The following RNF180 variants were observed in gnomAD, a reference collection of about 807,000 sequenced individuals.
RNF180 encodes the protein ring finger protein 180.
Under a neutral mutation model 59.2 loss-of-function variants are expected in RNF180, and 38 were observed. The observed-to-expected ratio is 0.64, with a 90% CI of 0.50 to 0.84. The LOEUF is 0.84. Ranked by LOEUF, RNF180 falls within the 40% of genes least tolerant of loss-of-function variation. The pLI, the probability that RNF180 is intolerant of heterozygous loss-of-function variation, is 0.00. For missense variants in RNF180, 705 were observed against 700.9 expected, an observed-to-expected ratio of 1.01 and a Z score of -0.07; for synonymous variants, 262 against 240.3, an observed-to-expected ratio of 1.09 and a Z score of -0.84.
At chr5:64,261,683 CAT>C (rs1744349459) in intron 5 of RNF180, among the ~76,000 whole-genome samples, 2 of 152,108 alleles carry the variant, frequency 1.3e-5, no homozygotes, top group South Asian at 2.1e-4. Flanking sequence ...ATGTTACAAA[CAT>C]ATGTTTTAAG....
intron 7 of RNF180, among the ~76,000 whole-genome samples, chr5:64,362,071 T>C (rs1453587047): frequency 1.3e-5 from 2 of 151,548 alleles, no homozygotes; most frequent in Non-Finnish European, 3.0e-5. Flanking sequence ...AACTTAAATT[T>C]AATTTATTGA....
chr5:64,167,801 A>C (rs1749730658), intron 1 of RNF180, among the ~76,000 whole-genome samples: 1 of 152,182 alleles, frequency 6.6e-6, no homozygotes, highest in African/African-American at 2.4e-5. Flanking sequence ...GCTTTCATGG[A>C]ATAAACACAG....
At chr5:64,287,678 G>A (rs931426683) in intron 5 of RNF180, among the ~76,000 whole-genome samples, 1 of 152,116 alleles carries the variant, frequency 6.6e-6, no homozygotes, top group Non-Finnish European at 1.5e-5. Context: ...TAACAGTGAC[G>A]TTGAGCTTTT....
intron 7 of RNF180, among the ~76,000 whole-genome samples, chr5:64,359,590 G>A (rs904153886): frequency 6.6e-6 from 1 of 151,848 alleles, no homozygotes; most frequent in Non-Finnish European, 1.5e-5. Context: ...TAGGTTGCCT[G>A]TTCACTCTGA....
intron 5 of RNF180, among the ~76,000 whole-genome samples, chr5:64,306,809 C>T (rs373130876): frequency 1.3e-5 from 2 of 149,752 alleles, no homozygotes; most frequent in African/African-American, 4.9e-5. Flanking sequence ...GAACATCACA[C>T]ACTGAGGACT....
At chr5:64,346,048 G>A (rs1561273810) in intron 7 of RNF180, among the ~76,000 whole-genome samples, 1 of 151,910 alleles carries the variant, frequency 6.6e-6, no homozygotes, top group Non-Finnish European at 1.5e-5. Context: ...AATCAAATGA[G>A]CATTTAGTTT....
intron 7 of RNF180, among the ~76,000 whole-genome samples, chr5:64,348,230 A>G (rs900337971): frequency 6.6e-6 from 1 of 152,118 alleles, no homozygotes; most frequent in Non-Finnish European, 1.5e-5. Context: ...AGAGAAAACA[A>G]TAATACATGC....
At chr5:64,358,836 C>T (rs930190076) in intron 7 of RNF180, among the ~76,000 whole-genome samples, 4 of 145,990 alleles carry the variant, frequency 2.7e-5, no homozygotes, top group African/African-American at 7.6e-5. Context: ...TTCCTGTGTC[C>T]ATGTGATCTC....
At chr5:64,259,088 A>G (rs1270454621) in intron 5 of RNF180, among the ~76,000 whole-genome samples, 1 of 152,134 alleles carries the variant, frequency 6.6e-6, no homozygotes, top group Non-Finnish European at 1.5e-5. Context: ...CACTAATTTG[A>G]AAGAGGAATT....
At chr5:64,368,450 G>A (rs1182084091) in intron 7 of RNF180, among the ~76,000 whole-genome samples, 1 of 151,744 alleles carries the variant, frequency 6.6e-6, no homozygotes, top group Non-Finnish European at 1.5e-5. Context: ...GACCAAAAGA[G>A]TTAAATGACT....
At chr5:64,192,345 G>T (rs1301689753) in intron 1 of RNF180, among the ~76,000 whole-genome samples, 1 of 152,008 alleles carries the variant, frequency 6.6e-6, no homozygotes, top group East Asian at 1.9e-4. Context: ...GTACACATTT[G>T]GTGGGAATAT....
At chr5:64,281,155 A>T (rs1183344589) in intron 5 of RNF180, among the ~76,000 whole-genome samples, 1 of 152,128 alleles carries the variant, frequency 6.6e-6, no homozygotes, top group Non-Finnish European at 1.5e-5. Context: ...CATTGATTTT[A>T]TATCCTGAAA....
chr5:64,311,604 A>T (rs1404127265), intron 5 of RNF180, among the ~76,000 whole-genome samples: 1 of 151,708 alleles, frequency 6.6e-6, no homozygotes, highest in African/African-American at 2.4e-5. Flanking sequence ...GTTTTTGAAG[A>T]TTTTTTCATA....
In RNF180 at chr5:64,213,914, A is replaced by G; in HGVS notation, c.588A>G (p.Glu196=). The G allele has an allele frequency of 6.2e-7, 1 of 1,614,120 alleles. No homozygotes were observed. The highest frequency in any genetic ancestry group is 1.1e-5 in the South Asian group (1 of 91,080). ...CAACATATTTTGAGATGAAGAACGAAAAACTGCTGTCCAAAGCATCAGAAC... is the reference window on the plus strand; with the variant it reads ...CAACATATTTTGAGATGAAGAACGAGAAACTGCTGTCCAAAGCATCAGAAC... ...VRPTYFEMKN[E]KLLSKASEPK... is the part of the protein sequence containing the mutation. The change falls in exon 4 of 8, where the codon GAA becomes GAG. Residue 196 remains glutamate, a synonymous_variant. Transcript: ENST00000389100.
At chr5:64,262,484 C>T (rs933151865) in intron 5 of RNF180, among the ~76,000 whole-genome samples, 7 of 152,094 alleles carry the variant, frequency 4.6e-5, no homozygotes, top group South Asian at 2.1e-4. Context: ...ATTGATCACC[C>T]GTCTCTTTTA....
chr5:64,329,660 G>A (rs1409769626), intron 6 of RNF180, among the ~76,000 whole-genome samples: 1 of 152,046 alleles, frequency 6.6e-6, no homozygotes, highest in Non-Finnish European at 1.5e-5. Context: ...GTTCCACCAT[G>A]TTGGCCAGGC....
At chr5:64,251,603 T>G (rs1358478689) in intron 5 of RNF180, among the ~76,000 whole-genome samples, 1 of 152,114 alleles carries the variant, frequency 6.6e-6, no homozygotes, top group Non-Finnish European at 1.5e-5. Context: ...TTTTAATTTT[T>G]TATATTGTAG....
intron 4 of RNF180, 79 bp from the exon 5 acceptor site, chr5:64,217,282 G>A: frequency 2.3e-6 from 3 of 1,311,428 alleles, no homozygotes. Flanking sequence ...ATTGTTTTAG[G>A]TTTTGCAAAT....
At chr5:64,191,356 G>C (rs951927670) in intron 1 of RNF180, among the ~76,000 whole-genome samples, 1 of 152,026 alleles carries the variant, frequency 6.6e-6, no homozygotes, top group East Asian at 1.9e-4. Context: ...ATAGTTCTGT[G>C]GATGTTGACA....
Sources: allele counts gnomAD v4.1 joint callset (sites outside exome capture counted in the v4.1 genomes callset), GRCh38; gene constraint gnomAD v4.1.1; transcripts MANE v1.5; gene names NCBI Gene and HGNC (gene_info 2026-07-23, HGNC 2026-07-21).